ZNF804A: variants seen among roughly 807,000 people sequenced by gnomAD.
ZNF804A encodes the protein zinc finger protein 804A.
In ZNF804A, 2 loss-of-function variants were observed where a neutral mutation model predicts 16.5. The ratio of observed to expected loss-of-function variants is 0.12; its 90% CI spans 0.05 to 0.38. The LOEUF is 0.38. Among genes scored for constraint, ZNF804A ranks in the 10% least tolerant of loss-of-function variants. The probability of loss-of-function intolerance (pLI) is 0.99; values close to 1 mark genes in which losing one functional copy is unlikely to be tolerated. For missense variants in ZNF804A, 1,473 were observed against 1,390.7 expected (o/e 1.06, Z -0.94); for synonymous variants, 534 against 489.6 (o/e 1.09, Z -1.20).
At chr2:184,656,002 AT>A (rs1164626797) in intron 1 of ZNF804A, among the ~76,000 whole-genome samples, 1 of 152,152 alleles carries the variant, frequency 6.6e-6, no homozygotes, top group African/African-American at 2.4e-5. Flanking sequence ...TAAATTCTAA[AT>A]TTGGATTCTA....
chr2:184,922,459 TTA>T (rs1174176990), intron 2 of ZNF804A, among the ~76,000 whole-genome samples: 1 of 152,130 alleles, frequency 6.6e-6, no homozygotes, highest in Non-Finnish European at 1.5e-5. Context: ...GATTTTTTTC[TTA>T]TAGAGTTGTT....
At chr2:184,924,087 T>C (rs983248658) in intron 2 of ZNF804A, among the ~76,000 whole-genome samples, 1 of 151,612 alleles carries the variant, frequency 6.6e-6, no homozygotes, top group African/African-American at 2.4e-5. Flanking sequence ...TACGGTCTTA[T>C]AGGAGGAGTT....
At chr2:184,649,881 G>C (rs994202985) in intron 1 of ZNF804A, among the ~76,000 whole-genome samples, 1 of 148,470 alleles carries the variant, frequency 6.7e-6, no homozygotes, top group Non-Finnish European at 1.5e-5. Context: ...CTATGTTTCA[G>C]CAGAAGTACA....
chr2:184,635,869 G>A (rs1178613880), intron 1 of ZNF804A, among the ~76,000 whole-genome samples: 1 of 152,014 alleles, frequency 6.6e-6, no homozygotes, highest in East Asian at 1.9e-4. Flanking sequence ...ATATGTTAAG[G>A]AAATACCAAG....
chr2:184,798,463 A>G (rs1694672044), intron 1 of ZNF804A, among the ~76,000 whole-genome samples: 1 of 151,420 alleles, frequency 6.6e-6, no homozygotes, highest in African/African-American at 2.4e-5. Flanking sequence ...TCTTTGTTGG[A>G]TTGGGTTAAT....
chr2:184,726,398 T>C (rs1405285851), intron 1 of ZNF804A, among the ~76,000 whole-genome samples: 1 of 151,636 alleles, frequency 6.6e-6, no homozygotes, highest in Non-Finnish European at 1.5e-5. Context: ...AACATATTTC[T>C]GAATAGGTAA....
chr2:184,722,447 A>G (rs1021301854), intron 1 of ZNF804A, among the ~76,000 whole-genome samples: 1 of 151,994 alleles, frequency 6.6e-6, no homozygotes, highest in African/African-American at 2.4e-5. Context: ...ATCTACTGTG[A>G]ATGTTTCTGA....
At chr2:184,600,217 T>C (rs959064383) in intron 1 of ZNF804A, among the ~76,000 whole-genome samples, 6 of 152,186 alleles carry the variant, frequency 3.9e-5, no homozygotes, top group Non-Finnish European at 8.8e-5. Flanking sequence ...TCTTTATGAA[T>C]AAAGAAAATA....
At position 184,936,595 on chromosome 2, in the gene ZNF804A, C is replaced by T. The variant is rs1160321831; in HGVS notation, c.1199C>T (p.Ala400Val). 6.2e-7 allele frequency: 1 copy of T among 1,614,016 alleles called. No homozygotes were observed. Among genetic ancestry groups the T allele is most frequent in the East Asian group, 2.2e-5 (1 of 44,858 alleles). The change falls in exon 4 of 4, where the codon GCC becomes GTC. Residue 400 changes from alanine (A) to valine (V), a missense_variant. Transcript: ENST00000302277. ...AATAAAAATGGTCCCGAGACATTGG[C>T]CCCTTCAAATACTGAAGAGGTTAAC... is the stretch of plus-strand genomic sequence containing the variant. ...VENKNGPETL[A>V]PSNTEEVNIT...
intron 1 of ZNF804A, among the ~76,000 whole-genome samples, chr2:184,632,146 CTT>C (rs201557149): frequency 6.8e-6 from 1 of 147,230 alleles, no homozygotes; most frequent in African/African-American, 2.5e-5. Context: ...AATGATACAG[CTT>C]TTTTTTTTGC....
chr2:184,811,694 A>G (rs757204683), intron 1 of ZNF804A, among the ~76,000 whole-genome samples: 2 of 152,164 alleles, frequency 1.3e-5, no homozygotes, highest in Non-Finnish European at 2.9e-5. Context: ...ACTGAACTCC[A>G]TCCTGGGCAA....
chr2:184,765,535 C>T (rs568300867), intron 1 of ZNF804A, among the ~76,000 whole-genome samples: 1 of 151,930 alleles, frequency 6.6e-6, no homozygotes, highest in African/African-American at 2.4e-5. Context: ...GATCTAATTA[C>T]CGGTGGGTGC....
At chr2:184,904,155 T>C (rs1685232386) in intron 2 of ZNF804A, among the ~76,000 whole-genome samples, 3 of 151,880 alleles carry the variant, frequency 2.0e-5, no homozygotes, top group African/African-American at 7.3e-5. Flanking sequence ...AGGAATAAAC[T>C]TAAACTAGGA....
At chr2:184,687,530 C>G (rs968950493) in intron 1 of ZNF804A, among the ~76,000 whole-genome samples, 1 of 152,048 alleles carries the variant, frequency 6.6e-6, no homozygotes, top group East Asian at 1.9e-4. Context: ...ATTTAAAAGA[C>G]ATAACACAAG....
intron 1 of ZNF804A, among the ~76,000 whole-genome samples, chr2:184,599,886 T>A (rs1251920392): frequency 6.6e-6 from 1 of 152,190 alleles, no homozygotes; most frequent in African/African-American, 2.4e-5. Flanking sequence ...CCCCTTTAGC[T>A]ATAAAACCTC....
At chr2:184,733,086 A>G (rs1693545752) in intron 1 of ZNF804A, among the ~76,000 whole-genome samples, 1 of 152,046 alleles carries the variant, frequency 6.6e-6, no homozygotes, top group Admixed American at 6.6e-5. Context: ...GTTACAGGGG[A>G]CATCTTTGTT....
At chr2:184,603,412 G>A (rs1691081605) in intron 1 of ZNF804A, among the ~76,000 whole-genome samples, 1 of 152,126 alleles carries the variant, frequency 6.6e-6, no homozygotes, top group Admixed American at 6.6e-5. Context: ...TTTCCCTTGT[G>A]TATATAGGAA....
chr2:184,790,478 T>C (rs1449932453), intron 1 of ZNF804A, among the ~76,000 whole-genome samples: 1 of 152,064 alleles, frequency 6.6e-6, no homozygotes, highest in East Asian at 1.9e-4. Flanking sequence ...TATCAATCTG[T>C]TTTCTTAGAT....
At chr2:184,669,316 T>C (rs1043985537) in intron 1 of ZNF804A, among the ~76,000 whole-genome samples, 3 of 152,092 alleles carry the variant, frequency 2.0e-5, no homozygotes, top group Non-Finnish European at 4.4e-5. Flanking sequence ...GTGAGATTCT[T>C]ATATAGTGTA....
Sources: allele counts gnomAD v4.1 joint callset (sites outside exome capture counted in the v4.1 genomes callset), GRCh38; gene constraint gnomAD v4.1.1; transcripts MANE v1.5; gene names NCBI Gene and HGNC (gene_info 2026-07-23, HGNC 2026-07-21).